Variants in YBX3 observed in about 807,000 individuals in gnomAD.
YBX3 encodes Y-box binding protein 3.
Under a neutral mutation model 42.4 loss-of-function variants are expected in YBX3, and 29 were observed. The observed-to-expected ratio is 0.68, with a 90% CI of 0.51 to 0.93. The LOEUF is 0.93. YBX3 is among the 40% of genes least tolerant of loss of function. The pLI is 0.00. For missense variants in YBX3, 517 were observed against 527.5 expected, an observed-to-expected ratio of 0.98 and a Z score of 0.19; for synonymous variants, 195 against 189.8, an observed-to-expected ratio of 1.03 and a Z score of -0.22.
intron 5 of YBX3, 62 bp downstream of exon 5, chr12:10,713,149 T>C (rs374705514): frequency 2.0e-6 from 3 of 1,533,772 alleles, no homozygotes; most frequent in Non-Finnish European, 1.8e-6. Flanking sequence ...TCCAAGTACA[T>C]ACACTTAATT....
chr12:10,721,668 T>C (rs1174093454), intron 1 of YBX3, among the ~76,000 whole-genome samples: 1 of 150,214 alleles, frequency 6.7e-6, no homozygotes, highest in Non-Finnish European at 1.5e-5. Flanking sequence ...CCTCTCAAGG[T>C]GGGGAATATT....
At chr12:10,718,257 C>G (rs1948285635) in intron 2 of YBX3, 136 bp from the exon 3 acceptor site, 1 of 702,100 alleles carries the variant, frequency 1.4e-6, no homozygotes, top group Non-Finnish European at 2.3e-6. Flanking sequence ...ACACTCAATT[C>G]AGACACCTAA....
chr12:10,702,018 G>A lies in YBX3; in HGVS notation c.995C>T (p.Pro332Leu). 1 of 1,613,982 alleles carries A rather than the reference G, an allele frequency of 6.2e-7. No homozygotes were observed. Among genetic ancestry groups the A allele is most frequent in the Non-Finnish European group, 8.5e-7 (1 of 1,179,968 alleles). ...ACGCGGGCGACGCCGGTAATTGTAG[G>A]GACGCCGGTATCCACGGCGAACAGA... ...QPSVRRGYRRPYNYRRRPRPP... is the reference protein window; with the variant it reads ...QPSVRRGYRRLYNYRRRPRPP... The change falls in exon 8 of 10, where the codon CCC becomes CTC. Residue 332 changes from proline (P) to leucine (L), a missense_variant. This residue lies in a region of YBX3 where 420 missense variants were observed against 408.5 expected (regional missense o/e 1.03). Coordinates refer to ENST00000228251, the MANE Select transcript of YBX3 (RefSeq NM_003651.5).
At chr12:10,716,800 T>A (rs532782095) in intron 3 of YBX3, among the ~76,000 whole-genome samples, 1 of 152,264 alleles carries the variant, frequency 6.6e-6, no homozygotes, top group South Asian at 2.1e-4. Flanking sequence ...GCACGCAGCA[T>A]GAACATTCAG....
chr12:10,699,317 T>C lies in YBX3; in HGVS notation c.*372A>G, dbSNP rs1005131443. 1 of 152,564 alleles carries C rather than the reference T, an allele frequency of 6.6e-6. No individual in the cohort carries two copies. The highest frequency in any genetic ancestry group is 6.5e-5 in the Admixed American group (1 of 15,282). 9.5% of individuals were successfully genotyped at this position (152,564 alleles called of 1,614,324 possible). A position where few individuals can be genotyped will look rare whatever the true frequency, so the allele number is the denominator to read the frequency against. Reference sequence around the variant, plus strand: ...TACTATATATTTCAGATTTCTTTGGTTGGGGTTCTCCCCATGTGGTATTAA... The same window carrying C: ...TACTATATATTTCAGATTTCTTTGGCTGGGGTTCTCCCCATGTGGTATTAA... On this transcript the variant is annotated 3_prime_UTR_variant, in exon 10 of 10. Coordinates refer to ENST00000228251, the MANE Select transcript of YBX3 (RefSeq NM_003651.5).
In YBX3 at chr12:10,715,801, A is replaced by C. The variant is rs1227542384; in HGVS notation, c.361-18T>G. 4 of 1,604,912 alleles carry C rather than the reference A, an allele frequency of 2.5e-6. No homozygotes were observed. Among genetic ancestry groups the C allele is most frequent in the Non-Finnish European group, 3.4e-6 (4 of 1,172,046 alleles). ...ATGGCAGTCTGGAAAGAGAACAGAA[A>C]ATTTTATTCGATGTATATTTCAATA... On this transcript the variant is annotated intron_variant, in intron 3 of 9. Coordinates refer to ENST00000228251, the MANE Select transcript of YBX3 (RefSeq NM_003651.5).
rs1591720471 is a variant in YBX3 at position 10,701,343 on chromosome 12, C to T, written c.1064G>A (p.Gly355Asp). ...AGCAGGGTTCTCAGTTGGTGCTTCA[C>T]CTGCCTTGGCCTAAAATGCAAAACA... ...PSQDGKEAKA[G>D]EAPTENPAPP... The change falls in exon 9 of 10, where the codon GGT becomes GAT. Residue 355 changes from glycine to aspartate, a missense_variant. By Grantham distance (94) the Gly-to-Asp change is moderately conservative. This residue lies in a region of YBX3 where 420 missense variants were observed against 408.5 expected (regional missense o/e 1.03). Transcript: ENST00000228251. The T allele has an allele frequency of 1.3e-6, 1 of 780,988 alleles. No individual in the cohort carries two copies. The highest frequency in any genetic ancestry group is 1.3e-5 in the South Asian group (1 of 74,618). 48.4% of individuals were successfully genotyped at this position (780,988 alleles called of 1,614,324 possible). A position where few individuals can be genotyped will look rare whatever the true frequency, so the allele number is the denominator to read the frequency against.
Position 10,722,846 on chromosome 12 carries a change from T to C in YBX3, c.262+4A>G. 6.7e-7 allele frequency: 1 copy of C among 1,483,710 alleles called. No individual in the cohort carries two copies. Among genetic ancestry groups the C allele is most frequent in the South Asian group, 1.3e-5 (1 of 75,266 alleles). 91.9% of individuals were successfully genotyped at this position (1,483,710 alleles called of 1,614,324 possible). On this transcript the variant is annotated splice_donor_region_variant and intron_variant, in intron 1 of 9. Transcript: ENST00000228251. ...CAGCCCCTGCCCTCCCTGGCCTGAC[T>C]CACCGAGAACTTTTTTCTCCGCGTC...
In YBX3 at chr12:10,711,313, A is replaced by T. The variant is rs1948197468; in HGVS notation, c.574-1199T>A. The T allele has an allele frequency of 2.0e-5, 3 of 152,334 alleles. No individual in the cohort carries two copies. In the South Asian group the frequency reaches 6.2e-4, roughly 32 times the overall value. The allele number at this position is 152,334 out of a possible 1,614,324, so 9.4% of individuals were successfully genotyped here. On this transcript the variant is annotated intron_variant, in intron 5 of 9. Coordinates refer to ENST00000228251, the MANE Select transcript of YBX3 (RefSeq NM_003651.5). Reference sequence around the variant, plus strand: ...TTAAAAATGAATAAATAAAAAAAGCAAAATAATGACCCATTACTTTTTTTT... The same window carrying T: ...TTAAAAATGAATAAATAAAAAAAGCTAAATAATGACCCATTACTTTTTTTT...
intron 6 of YBX3, among the ~76,000 whole-genome samples, chr12:10,705,468 T>C (rs558391709): frequency 3.9e-5 from 6 of 152,322 alleles, no homozygotes; most frequent in South Asian, 2.1e-4. Flanking sequence ...GTTATTGGTG[T>C]TCACTAATGA....
At chr12:10,713,401 G>C in intron 4 of YBX3, 68 bp from the exon 5 acceptor site, 1 of 1,554,688 alleles carries the variant, frequency 6.4e-7, no homozygotes, top group African/African-American at 1.4e-5. Context: ...AAACAGCCTT[G>C]GACTGCTAGA....
At chr12:10,719,993 A>T (rs924086720) in intron 1 of YBX3, among the ~76,000 whole-genome samples, 4 of 152,230 alleles carry the variant, frequency 2.6e-5, no homozygotes, top group Non-Finnish European at 5.9e-5. Context: ...TTCAAATATG[A>T]TCTTTGGAAT....
chr12:10,704,066 C>CTTA lies in YBX3; in HGVS notation c.862_863insTAA (p.Arg288delinsLeuSer). ...TGCGACATACCTACGGTACCTTGGG[C>CTTA]GGTAAGTTGGATTTCGATGAACCGG... On this transcript the variant is annotated protein_altering_variant, in exon 7 of 10. Coordinates refer to ENST00000228251, the MANE Select transcript of YBX3 (RefSeq NM_003651.5). 6.2e-7 allele frequency: 1 copy of CTTA among 1,614,170 alleles called. No individual in the cohort carries two copies. Among genetic ancestry groups the CTTA allele is most frequent in the Non-Finnish European group, 8.5e-7 (1 of 1,180,024 alleles).
At chr12:10,700,497 G>C (rs749546159) in intron 9 of YBX3, among the ~76,000 whole-genome samples, 21 of 152,192 alleles carry the variant, frequency 1.4e-4, no homozygotes, top group Non-Finnish European at 2.9e-4. Context: ...TAATTGAGTT[G>C]ATCTTTCTGG....
chr12:10,723,179 G>C lies in YBX3; in HGVS notation c.-68C>G, dbSNP rs1948355827. ...TTGGTCGGCGGTTAGCGCGGCTGGT[G>C]GTCGCGGCGGCCGGGGCTCGCTCTC... is the stretch of plus-strand genomic sequence containing the variant. On this transcript the variant is annotated 5_prime_UTR_variant, in exon 1 of 10. Transcript: ENST00000228251. 4 of 1,183,116 alleles carry C rather than the reference G, an allele frequency of 3.4e-6. No individual in the cohort carries two copies. The East Asian group carries it at 1.5e-4, about 44-fold the overall frequency. 73.3% of individuals were successfully genotyped at this position (1,183,116 alleles called of 1,614,324 possible).
chr12:10,723,275 C>T lies in YBX3; in HGVS notation c.-164G>A, dbSNP rs1280877478. 3.4e-5 allele frequency: 38 copies of T among 1,105,244 alleles called. No homozygotes were observed. The highest frequency in any genetic ancestry group is 3.9e-5 in the Non-Finnish European group (35 of 891,254). 68.5% of individuals were successfully genotyped at this position (1,105,244 alleles called of 1,614,324 possible). A position where few individuals can be genotyped will look rare whatever the true frequency, so the allele number is the denominator to read the frequency against. On this transcript the variant is annotated 5_prime_UTR_variant, in exon 1 of 10. Coordinates refer to ENST00000228251, the MANE Select transcript of YBX3 (RefSeq NM_003651.5). Reference sequence around the variant, plus strand: ...GTGGGGTCGCGCGGCGGAGGCGGCTCGAGCTTCGTGCTGCGCGCTCTCTCT... The same window carrying T: ...GTGGGGTCGCGCGGCGGAGGCGGCTTGAGCTTCGTGCTGCGCGCTCTCTCT...
At position 10,722,996 on chromosome 12, in the gene YBX3, C is replaced by T. The variant is rs1027226868; in HGVS notation, c.116G>A (p.Gly39Asp). The change falls in exon 1 of 10, where the codon GGT becomes GAT. Residue 39 changes from glycine (G) to aspartate (D), a missense_variant. Physicochemically the swap from Gly to Asp is moderately conservative, Grantham distance 94. Transcript: ENST00000228251. ...CGCCGGGGCCGCGGCCTGGGGCGCA[C>T]CGCTGCCCACCGGGCTCTTGGGCGC... is the stretch of plus-strand genomic sequence containing the variant. Reference protein sequence around the residue: ...DPAPKSPVGSGAPQAAAPAPA... With the variant: ...DPAPKSPVGSDAPQAAAPAPA... The T allele has an allele frequency of 2.5e-6, 3 of 1,213,364 alleles. No homozygotes were observed. The highest frequency in any genetic ancestry group is 3.2e-5 in the African/African-American group (2 of 62,970). The allele number at this position is 1,213,364 out of a possible 1,614,324, so 75.2% of individuals were successfully genotyped here.
chr12:10,709,083 G>A (rs1948169192), intron 6 of YBX3, among the ~76,000 whole-genome samples: 1 of 152,062 alleles, frequency 6.6e-6, no homozygotes, highest in South Asian at 2.1e-4. Context: ...AAACAAGAAA[G>A]AACACAGTCA....
At chr12:10,722,671 G>A (rs184591240) in intron 1 of YBX3, among the ~76,000 whole-genome samples, 179 bp downstream of exon 1, 22 of 152,344 alleles carry the variant, frequency 1.4e-4, no homozygotes, top group African/African-American at 5.0e-4. Context: ...GCGCCGGCAA[G>A]GGAGGCGGCC....
Sources: gnomAD v4.1 joint callset for allele counts (sites outside exome capture counted in the v4.1 genomes callset) on GRCh38, gnomAD v4.1.1 for gene constraint, gnomAD v4.1.1 regional missense constraint, MANE v1.5 for transcripts, NCBI Gene and HGNC (gene_info 2026-07-23, HGNC 2026-07-21) for gene names.